Variants in SHROOM2 observed in about 807,000 individuals in gnomAD.
The protein encoded by SHROOM2 is protein Shroom2.
SHROOM2 carries 33 observed loss-of-function variants against 75.9 expected under a neutral mutation model. The observed-to-expected ratio is 0.43, with a 90% CI of 0.33 to 0.58. The LOEUF (loss-of-function observed/expected upper bound fraction) is 0.58, where lower values mean the gene tolerates loss of function less well. Ranked by LOEUF, SHROOM2 falls within the 20% of genes least tolerant of loss-of-function variation. The probability of loss-of-function intolerance (pLI) is 0.04; values close to 1 mark genes in which losing one functional copy is unlikely to be tolerated. For synonymous variants in SHROOM2, 655 were observed against 663.6 expected (o/e 0.99, Z 0.20); for missense variants, 1,434 against 1,461.2 (o/e 0.98, Z 0.30).
At chrX:9,891,680 G>A (rs892443714) in intron 3 of SHROOM2, among the ~76,000 whole-genome samples, 4 of 110,664 alleles carry the variant, frequency 3.6e-5, no homozygotes, top group Non-Finnish European at 5.7e-5. Flanking sequence ...GTGTGAGTGT[G>A]TGGGGGGGTG....
chrX:9,786,917 G>A (rs1016349069), intron 1 of SHROOM2, among the ~76,000 whole-genome samples: 1 of 111,582 alleles, frequency 9.0e-6, no homozygotes, highest in Non-Finnish European at 1.9e-5. Flanking sequence ...AGTTTAAATG[G>A]CTCCTGCCCG....
At chrX:9,919,836 ACATCT>A (rs1257230172) in intron 5 of SHROOM2, among the ~76,000 whole-genome samples, 2 of 111,370 alleles carry the variant, frequency 1.8e-5, no homozygotes, top group East Asian at 2.8e-4. Context: ...CATCAGACTG[ACATCT>A]CAAATCACTA....
chrX:9,796,314 T>C (rs1234556511), intron 1 of SHROOM2, among the ~76,000 whole-genome samples: 1 of 110,079 alleles, frequency 9.1e-6, no homozygotes, highest in East Asian at 2.9e-4. Context: ...TCCCAGCTAC[T>C]TGGGAGGCTG....
intron 1 of SHROOM2, among the ~76,000 whole-genome samples, chrX:9,847,872 A>T (rs1367857954): frequency 8.9e-6 from 1 of 111,862 alleles, no homozygotes; most frequent in Non-Finnish European, 1.9e-5. Flanking sequence ...TCGTGTTGTA[A>T]CAAAGTTATC....
At chrX:9,877,261 G>A (rs1403768552) in intron 2 of SHROOM2, among the ~76,000 whole-genome samples, 2 of 111,478 alleles carry the variant, frequency 1.8e-5, no homozygotes, top group African/African-American at 6.5e-5. Context: ...GCTTCCTCTC[G>A]CCCAGGGCAG....
chrX:9,801,617 T>C (rs1385952941), intron 1 of SHROOM2, among the ~76,000 whole-genome samples: 3 of 112,478 alleles, frequency 2.7e-5, no homozygotes, highest in African/African-American at 6.5e-5. Context: ...GTTGGAATTA[T>C]AATATTTTGA....
chrX:9,823,522 A>T (rs761190537), intron 1 of SHROOM2, among the ~76,000 whole-genome samples: 213 of 110,571 alleles, frequency 1.9e-3, no homozygotes, highest in African/African-American at 6.8e-3. Context: ...TAAACATAAG[A>T]TTTTATTTGA....
At position 9,786,456 on chromosome X, in the gene SHROOM2, T is replaced by G; in HGVS notation, c.-90T>G. On this transcript the variant is annotated 5_prime_UTR_variant, in exon 1 of 10. Coordinates refer to ENST00000380913, the MANE Select transcript of SHROOM2 (RefSeq NM_001649.4). Reference sequence around the variant, plus strand: ...TTTCTTTCCAAGTTACGGCGCAAGTTCTGCGGCGCTCGGAGCCTCCCTTGC... The same window carrying G: ...TTTCTTTCCAAGTTACGGCGCAAGTGCTGCGGCGCTCGGAGCCTCCCTTGC... 1 of 707,210 alleles carries G rather than the reference T, an allele frequency of 1.4e-6. No individual in the cohort carries two copies. Among genetic ancestry groups the G allele is most frequent in the Non-Finnish European group, 1.7e-6 (1 of 573,803 alleles). 58.3% of individuals were successfully genotyped at this position (707,210 alleles called of 1,213,427 possible).
At chrX:9,839,223 G>A (rs2083966552) in intron 1 of SHROOM2, among the ~76,000 whole-genome samples, 1 of 111,531 alleles carries the variant, frequency 9.0e-6, no homozygotes, top group African/African-American at 3.3e-5. Context: ...CATTATGTGG[G>A]CAAACCCAAG....
At position 9,894,524 on chromosome X, in the gene SHROOM2, C is replaced by T. The variant is rs759569489; in HGVS notation, c.616C>T (p.Arg206Cys). The T allele has an allele frequency of 2.6e-5, 32 of 1,209,395 alleles. No individual in the cohort carries two copies. In the South Asian group the frequency reaches 4.6e-4, roughly 17 times the overall value. Residue 206 changes from arginine to cysteine, a missense_variant, in exon 4 of 10, where the codon CGC (arginine) becomes TGC (cysteine). By Grantham distance (180) the Arg-to-Cys change is radical. Coordinates refer to ENST00000380913, the MANE Select transcript of SHROOM2 (RefSeq NM_001649.4). Reference sequence around the variant, plus strand: ...CGACCACCTGGGCAGCCACAGCAAGCGCGACTCGGCCTACGGCTCCTTCTC... The same window carrying T: ...CGACCACCTGGGCAGCCACAGCAAGTGCGACTCGGCCTACGGCTCCTTCTC... ...SIDHLGSHSK[R>C]DSAYGSFSTS...
At chrX:9,821,090 G>A (rs2083850757) in intron 1 of SHROOM2, among the ~76,000 whole-genome samples, 1 of 111,589 alleles carries the variant, frequency 9.0e-6, no homozygotes, top group Admixed American at 9.5e-5. Context: ...GAAAATTCTT[G>A]GACCCCACTC....
At chrX:9,863,406 T>C (rs1347420579) in intron 1 of SHROOM2, among the ~76,000 whole-genome samples, 1 of 110,577 alleles carries the variant, frequency 9.0e-6, no homozygotes, top group Non-Finnish European at 1.9e-5. Context: ...CTTTGTCACC[T>C]GGTGCAGCCA....
At chrX:9,872,122 T>C (rs1200787332) in intron 1 of SHROOM2, among the ~76,000 whole-genome samples, 1 of 112,624 alleles carries the variant, frequency 8.9e-6, no homozygotes, top group Non-Finnish European at 1.9e-5. Context: ...GTGACTGTAT[T>C]ACACTAAAAC....
intron 5 of SHROOM2, among the ~76,000 whole-genome samples, chrX:9,927,356 CAAAAAAAAAAAAAAA>C (rs56344026): frequency 7.0e-4 from 17 of 24,396 alleles, no homozygotes; most frequent in South Asian, 0.02. Flanking sequence ...TCTCTGTCTC[CAAAAAAAAAAAAAAA>C]AAAAAAAAAA....
Position 9,944,890 on chromosome X carries a change from G to T in SHROOM2, c.4561G>T (p.Asp1521Tyr). 1 of 1,205,999 alleles carries T rather than the reference G, an allele frequency of 8.3e-7. No homozygotes were observed. The highest frequency in any genetic ancestry group is 1.1e-6 in the Non-Finnish European group (1 of 892,509). Residue 1521 changes from aspartate to tyrosine, a missense_variant, in exon 9 of 10, where the codon GAC becomes TAC. This residue lies in a region of SHROOM2 where 80 missense variants were observed against 88.4 expected (regional missense o/e 0.90). Transcript: ENST00000380913. ...GGAGAATGCCCTCAATAATTTGGACGACGGCGCTTCTCCCGGTGATCGGGT... is the reference window on the plus strand; with the variant it reads ...GGAGAATGCCCTCAATAATTTGGACTACGGCGCTTCTCCCGGTGATCGGGT... Reference protein sequence around the residue: ...RVENALNNLDDGASPGDRQSL... With the variant: ...RVENALNNLDYGASPGDRQSL...
chrX:9,807,836 G>C (rs2146736327), intron 1 of SHROOM2, among the ~76,000 whole-genome samples: 1 of 111,943 alleles, frequency 8.9e-6, no homozygotes, highest in African/African-American at 3.2e-5. Context: ...GCCCTAGGCT[G>C]CCAGGCTCCT....
chrX:9,812,870 A>G (rs976154440), intron 1 of SHROOM2, among the ~76,000 whole-genome samples: 4 of 112,306 alleles, frequency 3.6e-5, no homozygotes, highest in Non-Finnish European at 5.6e-5. Context: ...TGCCAAGTCA[A>G]TGGCCGCATA....
chrX:9,898,431 C>T (rs1314700931), intron 5 of SHROOM2, 141 bp downstream of exon 5: 2 of 484,153 alleles, frequency 4.1e-6, no homozygotes, highest in Non-Finnish European at 7.1e-6. Context: ...TGATTTCTAG[C>T]ATCCCTGACG....
intron 1 of SHROOM2, among the ~76,000 whole-genome samples, chrX:9,857,333 G>T (rs1392073687): frequency 9.0e-6 from 1 of 111,185 alleles, no homozygotes; most frequent in African/African-American, 3.3e-5. Context: ...CCTTGGACAT[G>T]ATTTTAGGGG....
Sources: gnomAD v4.1 joint callset for allele counts (sites outside exome capture counted in the v4.1 genomes callset) on GRCh38, gnomAD v4.1.1 for gene constraint, gnomAD v4.1.1 regional missense constraint, MANE v1.5 for transcripts, NCBI Gene and HGNC (gene_info 2026-07-23, HGNC 2026-07-21) for gene names.